The following PRKG1 variants were observed in gnomAD, a reference collection of about 807,000 sequenced individuals.
The protein encoded by PRKG1 is cGMP-dependent protein kinase 1.
Under a neutral mutation model 88.1 loss-of-function variants are expected in PRKG1, and 35 were observed. The observed-to-expected ratio is 0.40, with a 90% CI of 0.30 to 0.53. The LOEUF (loss-of-function observed/expected upper bound fraction) is 0.53. PRKG1 is among the 20% of genes least tolerant of loss of function. The probability of loss-of-function intolerance (pLI) is 0.59; values close to 1 mark genes in which losing one functional copy is unlikely to be tolerated. For synonymous variants in PRKG1, 303 were observed against 292.5 expected (o/e 1.04, Z -0.37); for missense variants, 540 against 839.8 (o/e 0.64, Z 4.41).
chr10:51,102,561 C>A (rs1189452771), intron 1 of PRKG1, among the ~76,000 whole-genome samples: 1 of 152,184 alleles, frequency 6.6e-6, no homozygotes, highest in Non-Finnish European at 1.5e-5. Context: ...TCCTGTTACA[C>A]TGGAAGCCAG....
intron 5 of PRKG1, among the ~76,000 whole-genome samples, chr10:52,051,885 G>T (rs1319397848): frequency 6.6e-6 from 1 of 152,112 alleles, no homozygotes; most frequent in Admixed American, 6.5e-5. Flanking sequence ...CTCTCCTGGT[G>T]CAGAGTGAGG....
At chr10:51,115,901 G>T (rs1421563119) in intron 1 of PRKG1, among the ~76,000 whole-genome samples, 1 of 151,820 alleles carries the variant, frequency 6.6e-6, no homozygotes, top group East Asian at 1.9e-4. Context: ...TTGTCATAGT[G>T]CAAACATAGA....
chr10:51,197,207 G>T (rs1215613369), intron 2 of PRKG1, among the ~76,000 whole-genome samples: 1 of 152,024 alleles, frequency 6.6e-6, no homozygotes, highest in Non-Finnish European at 1.5e-5. Flanking sequence ...AATAAAGGAA[G>T]GTTTCAAAAA....
In PRKG1 at chr10:51,822,062, C is replaced by T. The variant is rs556497161; in HGVS notation, c.698+17372C>T. On this transcript the variant is annotated intron_variant, in intron 4 of 17. Coordinates refer to ENST00000373980, the MANE Select transcript of PRKG1 (RefSeq NM_006258.4). ...CATGGAATTAATCTGTGTCCATCTACAAGATGAATGAATAAAGAATATGTA... is the reference window on the plus strand; with the variant it reads ...CATGGAATTAATCTGTGTCCATCTATAAGATGAATGAATAAAGAATATGTA... 9.2e-5 allele frequency among the ~76,000 whole-genome samples: 14 copies of T among 151,708 alleles called. No homozygotes were observed. In the South Asian group the frequency reaches 2.5e-3, roughly 27 times the overall value.
At chr10:51,977,679 GTATAT>G (rs1843881682) in intron 5 of PRKG1, among the ~76,000 whole-genome samples, 1 of 151,968 alleles carries the variant, frequency 6.6e-6, no homozygotes, top group African/African-American at 2.4e-5. Context: ...GTGTGAGATG[GTATAT>G]TATTGTGGTT....
intron 1 of PRKG1, among the ~76,000 whole-genome samples, chr10:51,055,789 C>T (rs1589125950): frequency 6.6e-6 from 1 of 152,092 alleles, no homozygotes; most frequent in East Asian, 1.9e-4. Flanking sequence ...AGGATACTTA[C>T]AAATACCATT....
intron 3 of PRKG1, among the ~76,000 whole-genome samples, chr10:51,506,268 C>A (rs1841199966): frequency 6.6e-6 from 1 of 152,154 alleles, no homozygotes; most frequent in African/African-American, 2.4e-5. Flanking sequence ...GTCTAAAACA[C>A]CAAAAGCAAT....
chr10:52,079,162 G>A (rs901840284), intron 7 of PRKG1, among the ~76,000 whole-genome samples: 1 of 152,226 alleles, frequency 6.6e-6, no homozygotes, highest in African/African-American at 2.4e-5. Context: ...TTCATCTTTG[G>A]ACATCAAATT....
intron 2 of PRKG1, among the ~76,000 whole-genome samples, chr10:51,278,682 G>C (rs1840203255): frequency 6.6e-6 from 1 of 152,106 alleles, no homozygotes; most frequent in South Asian, 2.1e-4. Flanking sequence ...TTAGTCTTGG[G>C]AGGGTGTATG....
At chr10:51,360,344 A>G (rs1010355954) in intron 2 of PRKG1, among the ~76,000 whole-genome samples, 9 of 151,868 alleles carry the variant, frequency 5.9e-5, no homozygotes, top group African/African-American at 2.2e-4. Context: ...TTCTAATTCT[A>G]ACAAAGAAGT....
At chr10:51,511,371 T>C (rs1003895669) in intron 3 of PRKG1, among the ~76,000 whole-genome samples, 2 of 152,122 alleles carry the variant, frequency 1.3e-5, no homozygotes, top group Admixed American at 6.6e-5. Context: ...TAAGGACTTC[T>C]ATTATCAGAA....
intron 3 of PRKG1, among the ~76,000 whole-genome samples, chr10:51,483,187 AT>A: frequency 6.6e-6 from 1 of 151,796 alleles, no homozygotes; most frequent in East Asian, 1.9e-4. Context: ...CGACTGGCTA[AT>A]TTTTTGTATT....
chr10:51,586,631 G>T (rs1474260954), intron 3 of PRKG1, among the ~76,000 whole-genome samples: 5 of 152,150 alleles, frequency 3.3e-5, no homozygotes, highest in Non-Finnish European at 7.4e-5. Context: ...GCTTAGGTTA[G>T]AGTTGTAAAT....
chr10:52,077,392 GCTTT>G (rs1304177170), intron 7 of PRKG1, among the ~76,000 whole-genome samples: 1 of 152,042 alleles, frequency 6.6e-6, no homozygotes, highest in Admixed American at 6.6e-5. Flanking sequence ...GATATTATCT[GCTTT>G]CTGTCACCAT....
At chr10:51,102,572 A>G (rs1844711574) in intron 1 of PRKG1, among the ~76,000 whole-genome samples, 1 of 152,234 alleles carries the variant, frequency 6.6e-6, no homozygotes, top group Non-Finnish European at 1.5e-5. Context: ...TGGAAGCCAG[A>G]CACATTCCCT....
intron 3 of PRKG1, among the ~76,000 whole-genome samples, chr10:51,751,096 C>T (rs1837713197): frequency 6.6e-6 from 1 of 152,188 alleles, no homozygotes; most frequent in South Asian, 2.1e-4. Context: ...CCTTTTCCCT[C>T]CCCAACCTTA....
At chr10:51,334,995 G>GTTTTT (rs1841837473) in intron 2 of PRKG1, among the ~76,000 whole-genome samples, 1 of 123,118 alleles carries the variant, frequency 8.1e-6, no homozygotes, top group African/African-American at 3.0e-5. Flanking sequence ...TTCCTGTCAG[G>GTTTTT]TTTCTTTTTT....
chr10:51,589,827 T>TA, intron 3 of PRKG1, among the ~76,000 whole-genome samples: 1 of 152,310 alleles, frequency 6.6e-6, no homozygotes, highest in Non-Finnish European at 1.5e-5. Context: ...TCTACGAAGA[T>TA]AAAATTAATT....
chr10:51,635,285 CAAA>C (rs141088007), intron 3 of PRKG1, among the ~76,000 whole-genome samples: 122 of 108,820 alleles, frequency 1.1e-3, no homozygotes, highest in African/African-American at 1.6e-3. Flanking sequence ...ATTATTTTAG[CAAA>C]AAAAAAAAAA....
Sources: gnomAD v4.1 joint callset for allele counts (sites outside exome capture counted in the v4.1 genomes callset) on GRCh38, gnomAD v4.1.1 for gene constraint, MANE v1.5 for transcripts, NCBI Gene and HGNC (gene_info 2026-07-23, HGNC 2026-07-21) for gene names.